The following SCUBE2 variants were observed in gnomAD, a reference collection of about 807,000 sequenced individuals.
SCUBE2 encodes signal peptide, CUB domain and EGF like domain containing 2.
A neutral mutation model predicts 125.9 loss-of-function variants in SCUBE2; 114 were observed. That is an observed-to-expected ratio of 0.91 (90% CI 0.78 to 1.06). The LOEUF is 1.06. Ranked by LOEUF, SCUBE2 falls within the 50% of genes least tolerant of loss-of-function variation. The probability of loss-of-function intolerance (pLI) is 0.00; values close to 1 mark genes in which losing one functional copy is unlikely to be tolerated. For missense variants in SCUBE2, 1,255 were observed against 1,301.8 expected (o/e 0.96, Z 0.55); for synonymous variants, 459 against 492.9 (o/e 0.93, Z 0.91).
intron 3 of SCUBE2, among the ~76,000 whole-genome samples, chr11:9,075,205 TAAA>T (rs5789594): frequency 0.035 from 4,321 of 123,952 alleles, 124 homozygotes; most frequent in East Asian, 0.12. Flanking sequence ...AGACGCCATC[TAAA>T]AAAAAAAAAA....
chr11:9,073,322 C>T (rs1383001801), intron 4 of SCUBE2, among the ~76,000 whole-genome samples: 2 of 152,110 alleles, frequency 1.3e-5, no homozygotes, highest in Non-Finnish European at 2.9e-5. Context: ...CTGATCAAAG[C>T]CAGTATGTGT....
chr11:9,062,625 T>TA (rs1564831876), intron 7 of SCUBE2, among the ~76,000 whole-genome samples: 1 of 152,130 alleles, frequency 6.6e-6, no homozygotes, highest in Non-Finnish European at 1.5e-5. Flanking sequence ...GAAGAGGAGT[T>TA]AAAATCTCGT....
At chr11:9,030,363 C>A in intron 18 of SCUBE2, 1 of 421,456 alleles carries the variant, frequency 2.4e-6, no homozygotes, top group Non-Finnish European at 4.3e-6. Context: ...CAGGCAGTTG[C>A]AGAACTGAGG....
At chr11:9,024,755 T>C (rs555932276) in intron 21 of SCUBE2, among the ~76,000 whole-genome samples, 1 of 152,334 alleles carries the variant, frequency 6.6e-6, no homozygotes, top group East Asian at 1.9e-4. Flanking sequence ...ATGTATATGT[T>C]ATTTCAAGAC....
At chr11:9,024,427 A>T (rs1479002134) in intron 21 of SCUBE2, 1 of 1,284,932 alleles carries the variant, frequency 7.8e-7, no homozygotes, top group African/African-American at 1.5e-5. Context: ...TAGGACAAAG[A>T]TGATGATCCG....
chr11:9,066,234 T>A (rs1260128627), intron 6 of SCUBE2, among the ~76,000 whole-genome samples: 2 of 152,170 alleles, frequency 1.3e-5, no homozygotes, highest in Non-Finnish European at 2.9e-5. Flanking sequence ...CACTAGGGAA[T>A]GCAAGCTTCA....
intron 4 of SCUBE2, among the ~76,000 whole-genome samples, chr11:9,071,950 C>T (rs898200365): frequency 2.0e-5 from 3 of 152,070 alleles, no homozygotes; most frequent in Admixed American, 6.6e-5. Flanking sequence ...TTCTCTCCAG[C>T]CTACCCTCAT....
chr11:9,078,299 C>A (rs140147217), intron 3 of SCUBE2, among the ~76,000 whole-genome samples: 1 of 152,204 alleles, frequency 6.6e-6, no homozygotes, highest in Admixed American at 6.5e-5. Flanking sequence ...TGGAAAGCCA[C>A]GTGATGTGTC....
In SCUBE2 at chr11:9,054,510, A is replaced by G. The variant is rs547830366; in HGVS notation, c.1208-751T>C. On this transcript the variant is annotated intron_variant, in intron 10 of 22. Coordinates refer to ENST00000649792, the MANE Select transcript of SCUBE2 (RefSeq NM_001367977.2). Reference sequence around the variant, plus strand: ...GGCACAGAGAAAGGGAAGTGACTACACTAATTCCCATCAACCTGAGACTGA... The same window carrying G: ...GGCACAGAGAAAGGGAAGTGACTACGCTAATTCCCATCAACCTGAGACTGA... Among the ~76,000 whole-genome samples the G allele has an allele frequency of 4.1e-3, 628 of 151,900 alleles. 8 individuals carry two copies. Among genetic ancestry groups the G allele is most frequent in the Non-Finnish European group, 3.4e-3 (231 of 67,966 alleles).
rs535347791 is a variant in SCUBE2 at position 9,082,403 on chromosome 11, T to C, written c.257-2894A>G. Reference sequence around the variant, plus strand: ...GGCTTTGGTGTGATATCCAAGAAATTATCTCCTCGGCAGTTTCTTAAAAAT... The same window carrying C: ...GGCTTTGGTGTGATATCCAAGAAATCATCTCCTCGGCAGTTTCTTAAAAAT... On this transcript the variant is annotated intron_variant, in intron 2 of 22. Coordinates refer to ENST00000649792, the MANE Select transcript of SCUBE2 (RefSeq NM_001367977.2). Among the ~76,000 whole-genome samples, 7 of 152,174 alleles carry C rather than the reference T, an allele frequency of 4.6e-5. No homozygotes were observed. In the South Asian group the frequency reaches 6.2e-4, roughly 14 times the overall value.
At chr11:9,048,793 G>C (rs1328550421) in intron 14 of SCUBE2, among the ~76,000 whole-genome samples, 1 of 152,054 alleles carries the variant, frequency 6.6e-6, no homozygotes, top group Non-Finnish European at 1.5e-5. Context: ...CCAAAGAGCA[G>C]GTCCACATAT....
rs1484107964 is a variant in SCUBE2, at chr11:9,030,856, A to G, written c.2243T>C (p.Phe748Ser). 1 of 1,614,218 alleles carries G rather than the reference A, an allele frequency of 6.2e-7. No homozygotes were observed. Among genetic ancestry groups the G allele is most frequent in the East Asian group, 2.2e-5 (1 of 44,892 alleles). ...GGAAGTTCGACCAGCTTCAGGCTGG[A>G]ACGTGCCCAGGGCACAGAGCTGGCA... ...APCQLCALGT[F>S]QPEAGRTSCF... is the part of the protein sequence containing the mutation. Residue 748 changes from phenylalanine (F) to serine (S), a missense_variant, in exon 18 of 23, where the codon TTC (phenylalanine) becomes TCC (serine). Phe to Ser is a radical substitution (Grantham distance 155, BLOSUM62 -2). Transcript: ENST00000649792.
At chr11:9,045,506 C>G (rs1321536282) in intron 16 of SCUBE2, among the ~76,000 whole-genome samples, 3 of 151,930 alleles carry the variant, frequency 2.0e-5, no homozygotes, top group Non-Finnish European at 4.4e-5. Flanking sequence ...CTATCCTAAG[C>G]TTGTCTCCAC....
intron 3 of SCUBE2, 131 bp downstream of exon 3, chr11:9,079,253 G>T: frequency 1.1e-6 from 1 of 924,030 alleles, no homozygotes; most frequent in Non-Finnish European, 1.6e-6. Context: ...CTATCACGGA[G>T]TCTGACTTCC....
chr11:9,072,311 C>T (rs896124954), intron 4 of SCUBE2, among the ~76,000 whole-genome samples: 1 of 152,170 alleles, frequency 6.6e-6, no homozygotes, highest in Non-Finnish European at 1.5e-5. Flanking sequence ...CAGGTTCACG[C>T]CATTCTCCTG....
rs118102650 is a variant in SCUBE2 at position 9,078,300 on chromosome 11, G to A, written c.382+1084C>T. ...GACAGCTGCAGGCTTGGAAAGCCAC[G>A]TGATGTGTCACCCAAAGCCTGATCT... On this transcript the variant is annotated intron_variant, in intron 3 of 22. Transcript: ENST00000649792. Among the ~76,000 whole-genome samples, 1,177 of 152,286 alleles carry A rather than the reference G, an allele frequency of 7.7e-3. 3 individuals are homozygous for A. The highest frequency in any genetic ancestry group is 0.012 in the Non-Finnish European group (817 of 68,026).
intron 2 of SCUBE2, among the ~76,000 whole-genome samples, chr11:9,080,854 A>T (rs1861579500): frequency 6.6e-6 from 1 of 152,148 alleles, no homozygotes; most frequent in Non-Finnish European, 1.5e-5. Flanking sequence ...TGCAAATCAC[A>T]CACCTTATAA....
intron 2 of SCUBE2, 88 bp from the exon 3 acceptor site, chr11:9,079,597 G>C: frequency 7.4e-7 from 1 of 1,360,234 alleles, no homozygotes; most frequent in Non-Finnish European, 1.0e-6. Context: ...TCCACTTCTA[G>C]GAATCTACCT....
chr11:9,082,729 G>T (rs573711418), intron 2 of SCUBE2, among the ~76,000 whole-genome samples: 1 of 152,176 alleles, frequency 6.6e-6, no homozygotes, highest in Non-Finnish European at 1.5e-5. Flanking sequence ...ACAAAAGACC[G>T]CATATTGTAT....
Sources: allele counts gnomAD v4.1 joint callset (sites outside exome capture counted in the v4.1 genomes callset), GRCh38; gene constraint gnomAD v4.1.1; transcripts MANE v1.5; gene names NCBI Gene and HGNC (gene_info 2026-07-23, HGNC 2026-07-21).